PDE4D: variants seen among roughly 807,000 people sequenced by gnomAD.
PDE4D encodes phosphodiesterase 4D.
Under a neutral mutation model 87.4 loss-of-function variants are expected in PDE4D, and 24 were observed. The ratio of observed to expected loss-of-function variants is 0.27; its 90% CI spans 0.20 to 0.39. The LOEUF (loss-of-function observed/expected upper bound fraction) is 0.39, where lower values mean the gene tolerates loss of function less well. Ranked by LOEUF, PDE4D falls within the 10% of genes least tolerant of loss-of-function variation. The pLI, the probability that PDE4D is intolerant of heterozygous loss-of-function variation, is 1.00. For missense variants in PDE4D, 714 were observed against 1,041.0 expected (o/e 0.69, Z 4.32); for synonymous variants, 384 against 383.2 (o/e 1.00, Z -0.02).
chr5:60,132,792 G>A (rs1055052707), intron 2 of PDE4D, among the ~76,000 whole-genome samples: 14 of 152,140 alleles, frequency 9.2e-5, no homozygotes, highest in African/African-American at 3.1e-4. Flanking sequence ...AGGAGGCGGA[G>A]GTTGCAGTGA....
intron 1 of PDE4D, among the ~76,000 whole-genome samples, chr5:59,855,755 C>A (rs2152723119): frequency 6.6e-6 from 1 of 152,198 alleles, no homozygotes; most frequent in South Asian, 2.1e-4. Context: ...TTTTTGAAGG[C>A]AAGCCTGAAA....
intron 1 of PDE4D, among the ~76,000 whole-genome samples, chr5:60,402,455 T>A (rs1298755724): frequency 2.0e-5 from 3 of 152,184 alleles, no homozygotes; most frequent in African/African-American, 7.2e-5. Flanking sequence ...TGGGAGGTGT[T>A]CAGTAATTGG....
intron 1 of PDE4D, among the ~76,000 whole-genome samples, chr5:60,237,532 G>C (rs1291638526): frequency 3.9e-4 from 59 of 151,916 alleles, no homozygotes; most frequent in Admixed American, 3.9e-3. Flanking sequence ...CACACTATAT[G>C]GTTTAATTTA....
rs75677344 is a variant in PDE4D at position 59,120,952 on chromosome 5, A to C, written c.808+59643T>G. Among the ~76,000 whole-genome samples the C allele has an allele frequency of 4.3e-3, 650 of 152,334 alleles. 5 individuals are homozygous for C. The highest frequency in any genetic ancestry group is 0.015 in the African/African-American group (618 of 41,580). ...TTGATTTTCTATAAAGGCACCAAGA[A>C]TATACATTAGGGAAAGGAGATCTCT... is the stretch of plus-strand genomic sequence containing the variant. On this transcript the variant is annotated intron_variant, in intron 5 of 14. Transcript: ENST00000340635.
intron 1 of PDE4D, among the ~76,000 whole-genome samples, chr5:59,271,514 A>C (rs1461977885): frequency 6.6e-6 from 1 of 152,118 alleles, no homozygotes; most frequent in Non-Finnish European, 1.5e-5. Context: ...TTTGATTCTC[A>C]ATTATAAAAT....
chr5:58,983,296 A>C lies in PDE4D; in HGVS notation c.1552+5197T>G, dbSNP rs561828445. On this transcript the variant is annotated intron_variant, in intron 11 of 14. Coordinates refer to ENST00000340635, the MANE Select transcript of PDE4D (RefSeq NM_001104631.2). ...GCGACCACATGTGTAGGCTGGGAGAAAGAAGGCAGTGTAATTAATAGGAGT... is the reference window on the plus strand; with the variant it reads ...GCGACCACATGTGTAGGCTGGGAGACAGAAGGCAGTGTAATTAATAGGAGT... Among the ~76,000 whole-genome samples the C allele has an allele frequency of 1.2e-4, 19 of 152,356 alleles. No homozygotes were observed. In the East Asian group the frequency reaches 3.7e-3, roughly 30 times the overall value.
At chr5:58,990,943 G>A in intron 8 of PDE4D, 41 bp from the exon 9 acceptor site, 1 of 1,147,782 alleles carries the variant, frequency 8.7e-7, no homozygotes, top group Non-Finnish European at 1.3e-6. Context: ...ATATTAGAAA[G>A]TGGAGTAAAA....
rs1034165168 is a variant in PDE4D, at chr5:59,770,431, T to C, written c.455+122737A>G. Among the ~76,000 whole-genome samples, 27 of 151,790 alleles carry C rather than the reference T, an allele frequency of 1.8e-4. 1 individual carries two copies. Among genetic ancestry groups the C allele is most frequent in the Non-Finnish European group, 5.9e-5 (4 of 67,980 alleles). On this transcript the variant is annotated intron_variant, in intron 1 of 14. Coordinates refer to ENST00000340635, the MANE Select transcript of PDE4D (RefSeq NM_001104631.2). The stretch of plus-strand genomic sequence containing the variant: ...GCAGAAAAGTACAATGAAAATGAAA[T>C]GCGTATATGATGAGAAAACTCTGGG...
intron 1 of PDE4D, among the ~76,000 whole-genome samples, chr5:59,595,259 TATCAC>T (rs1826500437): frequency 6.6e-6 from 1 of 152,196 alleles, no homozygotes; most frequent in Non-Finnish European, 1.5e-5. Flanking sequence ...ATCTGAAACT[TATCAC>T]ATAGTTTCAT....
At chr5:60,415,431 C>T (rs1742411372) in intron 1 of PDE4D, among the ~76,000 whole-genome samples, 2 of 152,248 alleles carry the variant, frequency 1.3e-5, no homozygotes, top group South Asian at 4.1e-4. Context: ...GAGCCGGCGC[C>T]CTCAGCTTGC....
chr5:59,556,487 T>C (rs1818941771), intron 1 of PDE4D, among the ~76,000 whole-genome samples: 1 of 152,180 alleles, frequency 6.6e-6, no homozygotes, highest in Non-Finnish European at 1.5e-5. Context: ...TGCTTTGCTG[T>C]GAAGCAGTGG....
intron 1 of PDE4D, among the ~76,000 whole-genome samples, chr5:59,884,754 T>C (rs1353980973): frequency 6.6e-6 from 1 of 152,044 alleles, no homozygotes; most frequent in African/African-American, 2.4e-5. Flanking sequence ...CCTGATTTCC[T>C]GATATATTGT....
At chr5:59,708,093 T>C (rs962468421) in intron 1 of PDE4D, among the ~76,000 whole-genome samples, 3 of 152,194 alleles carry the variant, frequency 2.0e-5, no homozygotes, top group Non-Finnish European at 4.4e-5. Flanking sequence ...AAAGCGTTCC[T>C]ACTTCTCCAC....
At chr5:60,421,929 G>A (rs902459788) in intron 1 of PDE4D, among the ~76,000 whole-genome samples, 8 of 152,152 alleles carry the variant, frequency 5.3e-5, no homozygotes, top group Non-Finnish European at 8.8e-5. Flanking sequence ...AGATCAAGTC[G>A]AAGAAAGGAT....
chr5:59,080,001 C>T (rs1766450459), intron 5 of PDE4D, among the ~76,000 whole-genome samples: 2 of 152,024 alleles, frequency 1.3e-5, no homozygotes, highest in Non-Finnish European at 2.9e-5. Flanking sequence ...ACTAGTACAA[C>T]TTAAAACTCA....
At chr5:60,438,098 A>G (rs1280989155) in intron 1 of PDE4D, among the ~76,000 whole-genome samples, 1 of 152,160 alleles carries the variant, frequency 6.6e-6, no homozygotes, top group Non-Finnish European at 1.5e-5. Context: ...AAGCCTTTAG[A>G]TAGCATTCGT....
intron 1 of PDE4D, among the ~76,000 whole-genome samples, chr5:60,214,774 A>C (rs944445480): frequency 6.6e-6 from 1 of 152,196 alleles, no homozygotes; most frequent in African/African-American, 2.4e-5. Flanking sequence ...TACTCCAAAC[A>C]GGAGTTTGTC....
At chr5:59,796,011 A>C (rs1214566565) in intron 1 of PDE4D, among the ~76,000 whole-genome samples, 1 of 152,186 alleles carries the variant, frequency 6.6e-6, no homozygotes, top group Non-Finnish European at 1.5e-5. Context: ...TCTCAGAAGG[A>C]AACAACCTTG....
intron 1 of PDE4D, among the ~76,000 whole-genome samples, chr5:59,489,068 C>G (rs1186903438): frequency 6.6e-6 from 1 of 151,896 alleles, no homozygotes; most frequent in Non-Finnish European, 1.5e-5. Context: ...GGGCGGATCA[C>G]GCGGTCAAGA....
Sources: gnomAD v4.1 joint callset for allele counts (sites outside exome capture counted in the v4.1 genomes callset) on GRCh38, gnomAD v4.1.1 for gene constraint, MANE v1.5 for transcripts, NCBI Gene and HGNC (gene_info 2026-07-23, HGNC 2026-07-21) for gene names.